PCDHGC4: variants seen among roughly 807,000 people sequenced by gnomAD.
PCDHGC4 encodes the protein protocadherin gamma-C4.
A neutral mutation model predicts 59.7 loss-of-function variants in PCDHGC4; 15 were observed. That is an observed-to-expected ratio of 0.25 (90% CI 0.17 to 0.39). The LOEUF (loss-of-function observed/expected upper bound fraction) is 0.39. PCDHGC4 is among the 10% of genes least tolerant of loss of function. PCDHGC4 has a pLI of 1.00. For synonymous variants in PCDHGC4, 434 were observed against 481.4 expected, an observed-to-expected ratio of 0.90 and a Z score of 1.29; for missense variants, 1,016 against 1,189.5, an observed-to-expected ratio of 0.85 and a Z score of 2.15.
rs2099687715 is a variant in PCDHGC4, at chr5:141,489,479, T to G, written c.2442+1864T>G. 1.2e-6 allele frequency: 2 copies of G among 1,614,090 alleles called. No individual in the cohort carries two copies. The highest frequency in any genetic ancestry group is 1.7e-6 in the Non-Finnish European group (2 of 1,180,010). ...GGGCGCTATTTTTCCCTGAGCTTGATGAGTGGTGCCCTGGCAGTGAATCAA... is the reference window on the plus strand; with the variant it reads ...GGGCGCTATTTTTCCCTGAGCTTGAGGAGTGGTGCCCTGGCAGTGAATCAA... On this transcript the variant is annotated intron_variant, in intron 1 of 3. Transcript: ENST00000306593. This position sits in a 1 kb window ranked among gnomAD's most constrained non-coding sequence, Gnocchi z 4.5.
At chr5:141,499,606 C>T (rs2099792968) in intron 2 of PCDHGC4, among the ~76,000 whole-genome samples, 1 of 152,028 alleles carries the variant, frequency 6.6e-6, no homozygotes, top group African/African-American at 2.4e-5. Context: ...TATCCCTACC[C>T]TTATCCTGTC....
At chr5:141,502,203 C>G (rs1562205141) in intron 2 of PCDHGC4, among the ~76,000 whole-genome samples, 1 of 152,122 alleles carries the variant, frequency 6.6e-6, no homozygotes. Context: ...ATAGAATCCA[C>G]CAGCAGATTT....
chr5:141,505,557 A>C (rs2099846692), intron 3 of PCDHGC4, 76 bp downstream of exon 3: 1 of 1,606,080 alleles, frequency 6.2e-7, no homozygotes, highest in Non-Finnish European at 8.5e-7. Flanking sequence ...CACCATGCCC[A>C]CGGACTGGAT....
Position 141,485,330 on chromosome 5 carries a change from C to T in PCDHGC4, c.157C>T (p.Leu53=). The change falls in exon 1 of 4, where the codon CTG becomes TTG. Residue 53 remains leucine (L), a synonymous_variant. Transcript: ENST00000306593. This position sits in a 1 kb window ranked among gnomAD's most constrained non-coding sequence, Gnocchi z 5.7. ...TGTAGGGAATGTCGCTCAAGATTTC[C>T]TGCTGGATACGGACAGTCTGTCAGC... ...TFVGNVAQDF[L]LDTDSLSARR... is the part of the protein sequence containing the mutation. 6.2e-7 allele frequency: 1 copy of T among 1,614,164 alleles called. No individual in the cohort carries two copies. Among genetic ancestry groups the T allele is most frequent in the East Asian group, 2.2e-5 (1 of 44,862 alleles).
Position 141,486,970 on chromosome 5 carries a change from T to G in PCDHGC4, c.1797T>G (p.Asp599Glu), listed in dbSNP as rs754309905. 1 of 1,614,050 alleles carries G rather than the reference T, an allele frequency of 6.2e-7. No individual in the cohort carries two copies. Among genetic ancestry groups the G allele is most frequent in the African/African-American group, 1.3e-5 (1 of 74,904 alleles). ...CAAAGGTGACTGCTGTGGACTTGGATTCAGGTTACAATGCTTGGGTTTCCT... is the reference window on the plus strand; with the variant it reads ...CAAAGGTGACTGCTGTGGACTTGGAGTCAGGTTACAATGCTTGGGTTTCCT... The part of the protein sequence containing the change: ...LITKVTAVDL[D>E]SGYNAWVSYQ... The change falls in exon 1 of 4, where the codon GAT (aspartate) becomes GAG (glutamate). Residue 599 changes from aspartate (D) to glutamate (E), a missense_variant. By Grantham distance (45) the Asp-to-Glu change is conservative. Coordinates refer to ENST00000306593, the MANE Select transcript of PCDHGC4 (RefSeq NM_018928.3). This position sits in a 1 kb window ranked among gnomAD's most constrained non-coding sequence, Gnocchi z 5.0.
chr5:141,492,616 G>A (rs976681246), intron 1 of PCDHGC4, among the ~76,000 whole-genome samples: 1 of 152,252 alleles, frequency 6.6e-6, no homozygotes. Flanking sequence ...CTAAGTGCCG[G>A]GCGGGCAGGA....
intron 1 of PCDHGC4, among the ~76,000 whole-genome samples, 184 bp from the exon 2 acceptor site, chr5:141,494,623 C>A (rs2099755716): frequency 6.6e-6 from 1 of 152,146 alleles, no homozygotes; most frequent in Non-Finnish European, 1.5e-5. Flanking sequence ...GTTTCTGGTA[C>A]CTCAGACCTC....
At chr5:141,495,804 T>G (rs894259635) in intron 2 of PCDHGC4, among the ~76,000 whole-genome samples, 1 of 152,168 alleles carries the variant, frequency 6.6e-6, no homozygotes, top group South Asian at 2.1e-4. Flanking sequence ...TTTCACCGTT[T>G]CCTAGCGCCT....
intron 1 of PCDHGC4, among the ~76,000 whole-genome samples, chr5:141,492,574 G>T (rs2099742096): frequency 6.6e-6 from 1 of 152,232 alleles, no homozygotes; most frequent in Non-Finnish European, 1.5e-5. Flanking sequence ...TGAGCGAGGC[G>T]CGGGGCCAGG....
In PCDHGC4 at chr5:141,489,621, T is replaced by C. The variant is rs765666746; in HGVS notation, c.2442+2006T>C. 29 of 1,613,978 alleles carry C rather than the reference T, an allele frequency of 1.8e-5. No individual in the cohort carries two copies. The highest frequency in any genetic ancestry group is 1.6e-4 in the Middle Eastern group (1 of 6,084). On this transcript the variant is annotated intron_variant, in intron 1 of 3. Transcript: ENST00000306593. The surrounding 1 kb of genome is among the most constrained non-coding windows in gnomAD (Gnocchi z 4.5). ...TAGAGGTAGAGATCCTGGATCTCAATGACAACTCTCCTAGCTTTGCCACCC... is the reference window on the plus strand; with the variant it reads ...TAGAGGTAGAGATCCTGGATCTCAACGACAACTCTCCTAGCTTTGCCACCC...
chr5:141,491,148 G>A lies in PCDHGC4; in HGVS notation c.2442+3533G>A. The A allele has an allele frequency of 6.8e-6, 11 of 1,614,140 alleles. No homozygotes were observed. The highest frequency in any genetic ancestry group is 9.3e-6 in the Non-Finnish European group (11 of 1,179,990). The stretch of plus-strand genomic sequence containing the variant: ...TGCGCACAGCCCGGGCCTTACTGGA[G>A]GATGACTCTGACACCCAGCAGGTGG... On this transcript the variant is annotated intron_variant, in intron 1 of 3. Transcript: ENST00000306593. The surrounding 1 kb of genome is among the most constrained non-coding windows in gnomAD (Gnocchi z 6.9).
chr5:141,490,396 A>G lies in PCDHGC4; in HGVS notation c.2442+2781A>G. ...GGACTCAGGTAGAAATGGTGAAGTGAGCCTTGATATCTCTCCGGACCTGCC... is the reference window on the plus strand; with the variant it reads ...GGACTCAGGTAGAAATGGTGAAGTGGGCCTTGATATCTCTCCGGACCTGCC... On this transcript the variant is annotated intron_variant, in intron 1 of 3. Coordinates refer to ENST00000306593, the MANE Select transcript of PCDHGC4 (RefSeq NM_018928.3). The surrounding 1 kb of genome is among the most constrained non-coding windows in gnomAD (Gnocchi z 5.4). 1 of 1,614,146 alleles carries G rather than the reference A, an allele frequency of 6.2e-7. No homozygotes were observed. The highest frequency in any genetic ancestry group is 8.5e-7 in the Non-Finnish European group (1 of 1,180,030).
Position 141,486,989 on chromosome 5 carries a change from G to A in PCDHGC4, c.1816G>A (p.Val606Ile). 1.9e-6 allele frequency: 3 copies of A among 1,614,168 alleles called. No individual in the cohort carries two copies. Among genetic ancestry groups the A allele is most frequent in the Non-Finnish European group, 2.5e-6 (3 of 1,180,034 alleles). Residue 606 changes from valine to isoleucine, a missense_variant, in exon 1 of 4, where the codon GTT becomes ATT. Transcript: ENST00000306593. This position sits in a 1 kb window ranked among gnomAD's most constrained non-coding sequence, Gnocchi z 5.0. ...CTTGGATTCAGGTTACAATGCTTGG[G>A]TTTCCTATCAGCTCCTGGAGGCCCC... The part of the protein sequence containing the change: ...VDLDSGYNAW[V>I]SYQLLEAPDP...
Position 141,511,381 on chromosome 5 carries a change from G to C in PCDHGC4, c.*208G>C. 8.5e-7 allele frequency: 1 copy of C among 1,170,380 alleles called. No individual in the cohort carries two copies. Among genetic ancestry groups the C allele is most frequent in the Non-Finnish European group, 1.2e-6 (1 of 854,768 alleles). 72.5% of individuals were successfully genotyped at this position (1,170,380 alleles called of 1,614,324 possible). On this transcript the variant is annotated 3_prime_UTR_variant, in exon 4 of 4. Coordinates refer to ENST00000306593, the MANE Select transcript of PCDHGC4 (RefSeq NM_018928.3). The stretch of plus-strand genomic sequence containing the variant: ...GGGTTGAATATGCAAAAGCAGTTCC[G>C]CTGGGAACCCCCATCCAATCAACTG...
In PCDHGC4 at chr5:141,489,928, G is replaced by A. The variant is rs752861962; in HGVS notation, c.2442+2313G>A. ...CCGCTCAGGGACCACCCTTATCTCT[G>A]TCATCGTGCTGGACATCAATGATAA... On this transcript the variant is annotated intron_variant, in intron 1 of 3. Transcript: ENST00000306593. The surrounding 1 kb of genome is among the most constrained non-coding windows in gnomAD (Gnocchi z 4.5). 2 of 1,614,206 alleles carry A rather than the reference G, an allele frequency of 1.2e-6. No homozygotes were observed. Among genetic ancestry groups the A allele is most frequent in the Non-Finnish European group, 1.7e-6 (2 of 1,180,038 alleles).
intron 3 of PCDHGC4, among the ~76,000 whole-genome samples, chr5:141,507,571 G>A (rs2099861692): frequency 6.6e-6 from 1 of 152,254 alleles, no homozygotes; most frequent in Non-Finnish European, 1.5e-5. Flanking sequence ...TGGGTCTGAG[G>A]AGATGCCAAG....
chr5:141,498,814 T>G (rs2099785952), intron 2 of PCDHGC4, among the ~76,000 whole-genome samples: 1 of 151,956 alleles, frequency 6.6e-6, no homozygotes. Flanking sequence ...ACACCTGTAG[T>G]CCCAGCTACT....
chr5:141,506,177 G>T (rs1024892091), intron 3 of PCDHGC4, among the ~76,000 whole-genome samples: 4 of 152,142 alleles, frequency 2.6e-5, no homozygotes, highest in African/African-American at 9.7e-5. Context: ...TAAGCTGGGC[G>T]TGGTGGCTCA....
In PCDHGC4 at chr5:141,490,455, G is replaced by A. The variant is rs746957706; in HGVS notation, c.2442+2840G>A. The A allele has an allele frequency of 9.3e-6, 15 of 1,614,010 alleles. No individual in the cohort carries two copies. The highest frequency in any genetic ancestry group is 2.2e-5 in the South Asian group (2 of 91,084). ...TTAAGCCTTCTGAGAACCACTACTC[G>A]CTGCTAACCAGCCAGCCTTTGGACC... On this transcript the variant is annotated intron_variant, in intron 1 of 3. Coordinates refer to ENST00000306593, the MANE Select transcript of PCDHGC4 (RefSeq NM_018928.3). The surrounding 1 kb of genome is among the most constrained non-coding windows in gnomAD (Gnocchi z 5.4).
Sources: allele counts gnomAD v4.1 joint callset (sites outside exome capture counted in the v4.1 genomes callset), GRCh38; gene constraint gnomAD v4.1.1; non-coding constraint Gnocchi (gnomAD v3.1); transcripts MANE v1.5; gene names NCBI Gene and HGNC (gene_info 2026-07-23, HGNC 2026-07-21).